Variants in DNM3 observed in about 807,000 individuals in gnomAD.
DNM3 encodes dynamin-3.
DNM3 carries 47 observed loss-of-function variants against 101.6 expected under a neutral mutation model. That is an observed-to-expected ratio of 0.46 (90% CI 0.37 to 0.59). The LOEUF (loss-of-function observed/expected upper bound fraction) is 0.59. DNM3 is among the 20% of genes least tolerant of loss of function. The pLI, the probability that DNM3 is intolerant of heterozygous loss-of-function variation, is 0.00. For missense variants in DNM3, 849 were observed against 1,085.7 expected (o/e 0.78, Z 3.06); for synonymous variants, 385 against 387.9 (o/e 0.99, Z 0.09).
At chr1:172,267,425 A>G (rs2062906976) in intron 15 of DNM3, among the ~76,000 whole-genome samples, 1 of 152,244 alleles carries the variant, frequency 6.6e-6, no homozygotes, top group African/African-American at 2.4e-5. Context: ...ATACAGATTC[A>G]GACTCTCAGA....
chr1:172,239,731 T>C (rs4072117), intron 14 of DNM3, among the ~76,000 whole-genome samples: 24,958 of 151,514 alleles, frequency 0.16, 2,426 homozygotes, highest in East Asian at 0.24. Context: ...TCTCAGTTCA[T>C]TCTCTGGGTT....
At position 171,874,972 on chromosome 1, in the gene DNM3, T is replaced by C. The variant is rs140081355; in HGVS notation, c.161+33155T>C. The stretch of plus-strand genomic sequence containing the variant: ...CACTTAGGATAATGGCCTCCAGCTC[T>C]GTCCATGTTGCTGCAAAGGACACGA... On this transcript the variant is annotated intron_variant, in intron 1 of 20. Transcript: ENST00000627582. Among the ~76,000 whole-genome samples the C allele has an allele frequency of 2.6e-4, 39 of 152,182 alleles. No individual in the cohort carries two copies. In the East Asian group the frequency reaches 6.9e-3, roughly 27 times the overall value.
At chr1:172,350,656 A>G (rs1242484342) in intron 17 of DNM3, among the ~76,000 whole-genome samples, 1 of 152,166 alleles carries the variant, frequency 6.6e-6, no homozygotes, top group African/African-American at 2.4e-5. Context: ...GGGAGAAGAA[A>G]AAAGCTCCAG....
At chr1:172,325,975 A>G (rs1358125652) in intron 17 of DNM3, among the ~76,000 whole-genome samples, 1 of 152,212 alleles carries the variant, frequency 6.6e-6, no homozygotes, top group Non-Finnish European at 1.5e-5. Flanking sequence ...AACCTGGGGT[A>G]TATGGAACAA....
chr1:172,332,202 G>C (rs145666702), intron 17 of DNM3, among the ~76,000 whole-genome samples: 36 of 152,322 alleles, frequency 2.4e-4, no homozygotes, highest in Non-Finnish European at 4.4e-4. Context: ...TTACAATGCT[G>C]TAACAAACAA....
intron 14 of DNM3, among the ~76,000 whole-genome samples, chr1:172,230,529 A>G (rs1054905047): frequency 6.6e-6 from 1 of 152,208 alleles, no homozygotes; most frequent in Non-Finnish European, 1.5e-5. Flanking sequence ...TATAGGACAC[A>G]TGCTATTTGA....
chr1:172,064,617 T>C (rs2051507149), intron 10 of DNM3, among the ~76,000 whole-genome samples: 1 of 152,088 alleles, frequency 6.6e-6, no homozygotes, highest in Admixed American at 6.6e-5. Context: ...TTTTTTAACC[T>C]CTGTATGTAT....
intron 14 of DNM3, among the ~76,000 whole-genome samples, chr1:172,146,793 A>G (rs1392647221): frequency 6.6e-6 from 1 of 152,154 alleles, no homozygotes; most frequent in African/African-American, 2.4e-5. Context: ...GCCCACTTTC[A>G]TTTATGTCCA....
chr1:172,326,060 G>A (rs1185785222), intron 17 of DNM3, among the ~76,000 whole-genome samples: 1 of 152,084 alleles, frequency 6.6e-6, no homozygotes, highest in Non-Finnish European at 1.5e-5. Context: ...TAAAGTTTGG[G>A]AGCTAATCCT....
intron 15 of DNM3, among the ~76,000 whole-genome samples, chr1:172,292,623 A>ACGCG (rs1553224124): frequency 3.4e-5 from 5 of 147,772 alleles, no homozygotes; most frequent in African/African-American, 1.3e-4. Context: ...ACACACACAC[A>ACGCG]CGCGCGTGCG....
chr1:172,077,060 A>G (rs2052717692), intron 11 of DNM3, among the ~76,000 whole-genome samples: 1 of 152,218 alleles, frequency 6.6e-6, no homozygotes, highest in Non-Finnish European at 1.5e-5. Flanking sequence ...GTATGTATCC[A>G]GGAATTTATC....
At chr1:172,203,419 A>G (rs955073272) in intron 14 of DNM3, among the ~76,000 whole-genome samples, 5 of 152,200 alleles carry the variant, frequency 3.3e-5, no homozygotes, top group African/African-American at 1.2e-4. Flanking sequence ...TGGTCGCTGA[A>G]CTGCCCAAGC....
At chr1:171,954,339 C>G (rs1370445350) in intron 2 of DNM3, among the ~76,000 whole-genome samples, 2 of 152,126 alleles carry the variant, frequency 1.3e-5, no homozygotes, top group African/African-American at 2.4e-5. Context: ...TGCAGTTTCT[C>G]CTTTGTGGTT....
intron 1 of DNM3, among the ~76,000 whole-genome samples, chr1:171,846,448 C>G (rs532154843): frequency 1.3e-5 from 2 of 152,142 alleles, no homozygotes; most frequent in South Asian, 2.1e-4. Context: ...GGAATGGAAA[C>G]TTAATGTTTA....
chr1:171,907,818 G>C (rs780496891), intron 1 of DNM3, among the ~76,000 whole-genome samples: 3 of 152,020 alleles, frequency 2.0e-5, no homozygotes, highest in Non-Finnish European at 4.4e-5. Context: ...GTGATTTTCA[G>C]GATTTTGATT....
chr1:172,303,993 A>C (rs1473083547), intron 15 of DNM3, among the ~76,000 whole-genome samples: 1 of 151,984 alleles, frequency 6.6e-6, no homozygotes, highest in Non-Finnish European at 1.5e-5. Context: ...ATAACCAGCT[A>C]ACATCATAAT....
intron 12 of DNM3, among the ~76,000 whole-genome samples, chr1:172,087,675 T>C (rs1026676920): frequency 6.6e-6 from 1 of 152,164 alleles, no homozygotes; most frequent in Non-Finnish European, 1.5e-5. Context: ...ATTTTTTGAA[T>C]TCATCTATTT....
intron 14 of DNM3, among the ~76,000 whole-genome samples, chr1:172,165,247 C>G (rs2058703153): frequency 6.6e-6 from 1 of 151,752 alleles, no homozygotes; most frequent in South Asian, 2.1e-4. Context: ...AAAATTATCT[C>G]AAAAAAGTTT....
rs755628921 is a variant in DNM3, at chr1:172,387,275, G to A, written c.2201G>A (p.Gly734Glu). The change falls in exon 19 of 21, where the codon GGG (glycine) becomes GAG (glutamate). Residue 734 changes from glycine to glutamate, a missense_variant. Gly to Glu is a moderately conservative substitution (Grantham distance 98). Coordinates refer to ENST00000627582, the MANE Select transcript of DNM3 (RefSeq NM_015569.5). ...RMYQALKEAL[G>E]IIGDISTATV... is the part of the protein sequence containing the mutation. ...TATCAAGCACTGAAAGAAGCCCTTG[G>A]GATAATTGGGGACATCAGCACAGCC... is the stretch of plus-strand genomic sequence containing the variant. 4 of 1,613,768 alleles carry A rather than the reference G, an allele frequency of 2.5e-6. No homozygotes were observed. In the Admixed American group the frequency reaches 6.7e-5, roughly 27 times the overall value.
Sources: gnomAD v4.1 joint callset for allele counts (sites outside exome capture counted in the v4.1 genomes callset) on GRCh38, gnomAD v4.1.1 for gene constraint, MANE v1.5 for transcripts, NCBI Gene and HGNC (gene_info 2026-07-23, HGNC 2026-07-21) for gene names.